Variants in DROSHA observed in about 807,000 individuals in gnomAD.
DROSHA encodes the protein ribonuclease 3.
A neutral mutation model predicts 181.9 loss-of-function variants in DROSHA; 56 were observed. The observed-to-expected ratio is 0.31, with a 90% confidence interval of 0.25 to 0.38. DROSHA has a LOEUF of 0.38. DROSHA is among the 10% of genes least tolerant of loss of function. The probability of loss-of-function intolerance (pLI) is 1.00; values close to 1 mark genes in which losing one functional copy is unlikely to be tolerated. For synonymous variants in DROSHA, 524 were observed against 591.2 expected, an observed-to-expected ratio of 0.89 and a Z score of 1.65; for missense variants, 1,218 against 1,743.5, an observed-to-expected ratio of 0.70 and a Z score of 5.37.
chr5:31,452,155 T>G (rs1279366735), intron 20 of DROSHA, among the ~76,000 whole-genome samples: 1 of 152,204 alleles, frequency 6.6e-6, no homozygotes, highest in Non-Finnish European at 1.5e-5. Flanking sequence ...TCATTCATTC[T>G]GAAACTTTTT....
chr5:31,451,581 A>G lies in DROSHA; in HGVS notation c.2634T>C (p.His878=), dbSNP rs538167725. ...HHIRYHQCLM[H]LDKLIGYTFQ... ...AAGTATATCCTATCAACTTGTCCAA[A>G]TGCATTAGGCATTGGTGGTAGCGGA... The change falls in exon 21 of 36, where the codon CAT becomes CAC. Residue 878 remains histidine (H), a synonymous_variant. Coordinates refer to ENST00000344624, the MANE Select transcript of DROSHA (RefSeq NM_001382508.1). 3.7e-6 allele frequency: 6 copies of G among 1,613,118 alleles called. 1 individual carries two copies. In the African/African-American group the frequency reaches 8.0e-5, roughly 21 times the overall value.
chr5:31,447,434 T>C (rs1746447077), intron 23 of DROSHA, among the ~76,000 whole-genome samples: 1 of 152,162 alleles, frequency 6.6e-6, no homozygotes, highest in South Asian at 2.1e-4. Context: ...ATAATGCCTA[T>C]CAAAATCCCC....
At chr5:31,403,400 TATACATAC>T (rs1463398182) in intron 35 of DROSHA, among the ~76,000 whole-genome samples, 1 of 151,868 alleles carries the variant, frequency 6.6e-6, no homozygotes, top group Non-Finnish European at 1.5e-5. Context: ...TAAATGTGTA[TATACATAC>T]ATATATACAT....
chr5:31,497,095 G>A (rs1366252972), intron 11 of DROSHA, among the ~76,000 whole-genome samples: 1 of 152,202 alleles, frequency 6.6e-6, no homozygotes, highest in African/African-American at 2.4e-5. Flanking sequence ...GGATCAGCCA[G>A]GCCAAGTGAT....
At chr5:31,446,242 C>T (rs986624022) in intron 23 of DROSHA, among the ~76,000 whole-genome samples, 45 of 151,706 alleles carry the variant, frequency 3.0e-4, no homozygotes, top group Admixed American at 9.2e-4. Context: ...GTCAGGACAT[C>T]AAGACCACCC....
In DROSHA at chr5:31,411,409, G is replaced by A. The variant is rs953067507; in HGVS notation, c.3526-522C>T. Among the ~76,000 whole-genome samples, 8 of 151,840 alleles carry A rather than the reference G, an allele frequency of 5.3e-5. No homozygotes were observed. The highest frequency in any genetic ancestry group is 1.9e-4 in the African/African-American group (8 of 41,332). On this transcript the variant is annotated intron_variant, in intron 30 of 35. Coordinates refer to ENST00000344624, the MANE Select transcript of DROSHA (RefSeq NM_001382508.1). The surrounding 1 kb of genome is among the most constrained non-coding windows in gnomAD (Gnocchi z 4.2). ...CTTCCCAACCCCTGACCAGGCAAAC[G>A]GCCTGCTTTTTGTCACTGTACATTA...
rs570357895 is a variant in DROSHA at position 31,448,897 on chromosome 5, CA to C, written c.2822-291del. Among the ~76,000 whole-genome samples the C allele has an allele frequency of 1.4e-4, 22 of 152,246 alleles. No individual in the cohort carries two copies. In the South Asian group the frequency reaches 2.3e-3, roughly 16 times the overall value. ...TCTGTAACTTCAGCACTTTGGGAGG[CA>C]GAGGCGGATAGATCACTTGAGGTCA... On this transcript the variant is annotated intron_variant, in intron 22 of 35. Coordinates refer to ENST00000344624, the MANE Select transcript of DROSHA (RefSeq NM_001382508.1).
At chr5:31,512,173 C>A (rs886289137) in intron 8 of DROSHA, among the ~76,000 whole-genome samples, 4 of 152,260 alleles carry the variant, frequency 2.6e-5, no homozygotes, top group African/African-American at 9.6e-5. Flanking sequence ...TAAGGCAAAT[C>A]ATAAAATCTG....
chr5:31,435,886 C>G lies in DROSHA; in HGVS notation c.2943-22G>C, dbSNP rs1368719430. On this transcript the variant is annotated intron_variant, in intron 24 of 35. Coordinates refer to ENST00000344624, the MANE Select transcript of DROSHA (RefSeq NM_001382508.1). ...GACGCTACAAAAAAAAAAAGAAGTA[C>G]ATGAATAAATATGCATCACGACATT... 3.8e-6 allele frequency: 6 copies of G among 1,594,472 alleles called. No homozygotes were observed. In the East Asian group the frequency reaches 1.3e-4, roughly 36 times the overall value.
chr5:31,429,705 T>C (rs1743929462), intron 26 of DROSHA, among the ~76,000 whole-genome samples, 160 bp from the exon 27 acceptor site: 1 of 152,198 alleles, frequency 6.6e-6, no homozygotes, highest in Admixed American at 6.5e-5. Context: ...TTTCCCCTTT[T>C]TGCTATCCTT....
At chr5:31,458,708 G>A (rs960476698) in intron 20 of DROSHA, among the ~76,000 whole-genome samples, 18 of 152,182 alleles carry the variant, frequency 1.2e-4, no homozygotes, top group South Asian at 4.2e-4. Context: ...AGCCACATGT[G>A]TCTACTGAGC....
intron 22 of DROSHA, 31 bp from the exon 23 acceptor site, chr5:31,448,638 A>G: frequency 6.5e-7 from 1 of 1,528,234 alleles, no homozygotes; most frequent in Non-Finnish European, 9.1e-7. Context: ...ATACACAAGT[A>G]AATACGGATA....
chr5:31,525,537 GAA>G (rs1740442563), intron 5 of DROSHA, among the ~76,000 whole-genome samples: 1 of 135,044 alleles, frequency 7.4e-6, no homozygotes, highest in African/African-American at 2.7e-5. Context: ...AAGATATTTT[GAA>G]AACTAACTTT....
At chr5:31,453,019 C>G (rs190747086) in intron 20 of DROSHA, among the ~76,000 whole-genome samples, 22 of 152,270 alleles carry the variant, frequency 1.4e-4, no homozygotes, top group Admixed American at 9.8e-4. Context: ...AGAGTTGATG[C>G]TAAAAACTCA....
chr5:31,404,672 T>C (rs1740434005), intron 35 of DROSHA, among the ~76,000 whole-genome samples: 1 of 152,304 alleles, frequency 6.6e-6, no homozygotes, highest in Non-Finnish European at 1.5e-5. Flanking sequence ...AGCCTTCAGT[T>C]TACAAAAGAC....
rs558500967 is a variant in DROSHA at position 31,516,684 on chromosome 5, C to G, written c.948-1120G>C. 5.9e-5 allele frequency among the ~76,000 whole-genome samples: 9 copies of G among 152,286 alleles called. No individual in the cohort carries two copies. In the South Asian group the frequency reaches 1.9e-3, roughly 32 times the overall value. On this transcript the variant is annotated intron_variant, in intron 6 of 35. Transcript: ENST00000344624. ...CATAAAAACCACACATAACACCACTCAGAGAAAATCACTATATTTCATAAA... is the reference window on the plus strand; with the variant it reads ...CATAAAAACCACACATAACACCACTGAGAGAAAATCACTATATTTCATAAA...
intron 33 of DROSHA, among the ~76,000 whole-genome samples, chr5:31,407,976 TC>T (rs1212824657): frequency 6.6e-6 from 1 of 152,130 alleles, no homozygotes; most frequent in African/African-American, 2.4e-5. Flanking sequence ...GGGGCTTTTT[TC>T]CCCCAATAAA....
intron 27 of DROSHA, among the ~76,000 whole-genome samples, chr5:31,428,596 C>T (rs1743768727): frequency 6.6e-6 from 1 of 152,172 alleles, no homozygotes; most frequent in Non-Finnish European, 1.5e-5. Context: ...ATCAAATTCT[C>T]AGATATGAAC....
At chr5:31,401,752 A>G (rs1740023065) in intron 35 of DROSHA, among the ~76,000 whole-genome samples, 190 bp from the exon 36 acceptor site, 1 of 152,154 alleles carries the variant, frequency 6.6e-6, no homozygotes, top group Non-Finnish European at 1.5e-5. Flanking sequence ...AACATAATGG[A>G]AGTCTGGATG....
Sources: allele counts gnomAD v4.1 joint callset (sites outside exome capture counted in the v4.1 genomes callset), GRCh38; gene constraint gnomAD v4.1.1; non-coding constraint Gnocchi (gnomAD v3.1); transcripts MANE v1.5; gene names NCBI Gene and HGNC (gene_info 2026-07-23, HGNC 2026-07-21).